Variants in ALK observed in about 807,000 individuals in gnomAD.
ALK encodes the protein ALK tyrosine kinase receptor.
In ALK, 74 loss-of-function variants were observed where a neutral mutation model predicts 163.1. That is an observed-to-expected ratio of 0.45 (90% confidence interval 0.38 to 0.55). The LOEUF (loss-of-function observed/expected upper bound fraction) is 0.55. Ranked by LOEUF, ALK falls within the 20% of genes least tolerant of loss-of-function variation. The pLI, the probability that ALK is intolerant of heterozygous loss-of-function variation, is 0.00. For synonymous variants in ALK, 960 were observed against 843.2 expected, an observed-to-expected ratio of 1.14 and a Z score of -2.40; for missense variants, 2,063 against 2,105.3, an observed-to-expected ratio of 0.98 and a Z score of 0.39.
chr2:29,657,404 G>T (rs1017062618), intron 3 of ALK, among the ~76,000 whole-genome samples: 1 of 148,064 alleles, frequency 6.8e-6, no homozygotes, highest in Non-Finnish European at 1.5e-5. Flanking sequence ...CAGCATAGAA[G>T]GGTCCTTGTT....
At chr2:29,707,720 C>A (rs1678953094) in intron 2 of ALK, among the ~76,000 whole-genome samples, 1 of 152,164 alleles carries the variant, frequency 6.6e-6, no homozygotes, top group Admixed American at 6.5e-5. Context: ...TTCCAGAGGG[C>A]AAAACTAGGG....
At chr2:29,294,395 T>G (rs1307991893) in intron 9 of ALK, among the ~76,000 whole-genome samples, 1 of 152,218 alleles carries the variant, frequency 6.6e-6, no homozygotes, top group African/African-American at 2.4e-5. Context: ...ATTGCTAAAT[T>G]GGCCATCCCA....
intron 4 of ALK, among the ~76,000 whole-genome samples, chr2:29,480,672 G>A (rs1031206575): frequency 4.0e-5 from 6 of 151,806 alleles, no homozygotes; most frequent in African/African-American, 7.3e-5. Context: ...CCAGTCAGAC[G>A]CAGGGAGGAA....
At chr2:29,288,156 C>T (rs1158648142) in intron 9 of ALK, among the ~76,000 whole-genome samples, 1 of 152,212 alleles carries the variant, frequency 6.6e-6, no homozygotes, top group South Asian at 2.1e-4. Context: ...CACACTCCTG[C>T]ACTACTCCAG....
At position 29,316,278 on chromosome 2, in the gene ALK, C is replaced by A. The variant is rs547849951; in HGVS notation, c.1647+2026G>T. ...AGCATTAGACAAATGGTCTGAAAAC[C>A]TGAATGTGAAATCATATGAATATAT... On this transcript the variant is annotated intron_variant, in intron 8 of 28. Coordinates refer to ENST00000389048, the MANE Select transcript of ALK (RefSeq NM_004304.5). 6.6e-5 allele frequency among the ~76,000 whole-genome samples: 10 copies of A among 152,110 alleles called. 1 individual carries two copies. In the South Asian group the frequency reaches 2.1e-3, roughly 32 times the overall value.
At chr2:29,534,362 T>C (rs540509412) in intron 3 of ALK, among the ~76,000 whole-genome samples, 134 of 152,214 alleles carry the variant, frequency 8.8e-4, no homozygotes, top group Non-Finnish European at 1.7e-3. Context: ...TGAGGGTGGA[T>C]GACTGGGGTT....
At chr2:29,329,542 G>C (rs1333587571) in intron 5 of ALK, among the ~76,000 whole-genome samples, 1 of 152,184 alleles carries the variant, frequency 6.6e-6, no homozygotes, top group Non-Finnish European at 1.5e-5. Context: ...GTCATAGCTG[G>C]TGCTAAACCC....
At chr2:29,538,060 T>C (rs1041917332) in intron 3 of ALK, among the ~76,000 whole-genome samples, 2 of 152,198 alleles carry the variant, frequency 1.3e-5, no homozygotes, top group African/African-American at 2.4e-5. Flanking sequence ...TATAGGCACA[T>C]AGGTGAGTCC....
At chr2:29,788,541 G>C (rs1664103954) in intron 1 of ALK, among the ~76,000 whole-genome samples, 1 of 152,170 alleles carries the variant, frequency 6.6e-6, no homozygotes, top group African/African-American at 2.4e-5. Context: ...GAAAGGGAGG[G>C]AACTAGACAA....
intron 1 of ALK, among the ~76,000 whole-genome samples, chr2:29,881,842 C>T (rs1401617672): frequency 6.6e-6 from 1 of 152,094 alleles, no homozygotes; most frequent in African/African-American, 2.4e-5. Flanking sequence ...CCTGTACTCC[C>T]CCATTTTCCC....
At chr2:29,391,499 C>T (rs1470754315) in intron 4 of ALK, among the ~76,000 whole-genome samples, 2 of 152,152 alleles carry the variant, frequency 1.3e-5, no homozygotes, top group Non-Finnish European at 2.9e-5. Context: ...TGGGGTTTCC[C>T]CGTGTTGGCC....
chr2:29,719,886 G>A (rs1170140548), intron 1 of ALK, among the ~76,000 whole-genome samples: 1 of 152,192 alleles, frequency 6.6e-6, no homozygotes, highest in Non-Finnish European at 1.5e-5. Flanking sequence ...AATAGGGCAA[G>A]TGGGAAGGGT....
chr2:29,294,115 C>G (rs1666116157), intron 9 of ALK, among the ~76,000 whole-genome samples: 1 of 152,206 alleles, frequency 6.6e-6, no homozygotes, highest in Non-Finnish European at 1.5e-5. Flanking sequence ...CCGCCTACCT[C>G]AGAGGTGGGA....
chr2:29,891,265 T>C (rs1482023171), intron 1 of ALK, among the ~76,000 whole-genome samples: 1 of 152,212 alleles, frequency 6.6e-6, no homozygotes, highest in Non-Finnish European at 1.5e-5. Context: ...TTCAAGAGTG[T>C]TAACAATGAT....
intron 3 of ALK, among the ~76,000 whole-genome samples, chr2:29,624,462 C>T (rs1241850149): frequency 1.3e-5 from 2 of 152,154 alleles, no homozygotes; most frequent in African/African-American, 4.8e-5. Flanking sequence ...CCTACACCTC[C>T]GTGTTCAGGT....
chr2:29,711,637 G>T (rs1253069052), intron 2 of ALK, among the ~76,000 whole-genome samples: 1 of 152,122 alleles, frequency 6.6e-6, no homozygotes, highest in Non-Finnish European at 1.5e-5. Flanking sequence ...TGGGGGTTGT[G>T]GGAGGGCCTC....
At chr2:29,597,333 A>G (rs2148211814) in intron 3 of ALK, among the ~76,000 whole-genome samples, 1 of 152,316 alleles carries the variant, frequency 6.6e-6, no homozygotes, top group East Asian at 1.9e-4. Flanking sequence ...GTGGAGATTT[A>G]GTGCTCACTC....
rs754993912 is a variant in ALK at position 29,239,665 on chromosome 2, G to C, written c.2355+15C>G. 1 of 1,613,454 alleles carries C rather than the reference G, an allele frequency of 6.2e-7. No homozygotes were observed. The highest frequency in any genetic ancestry group is 1.1e-5 in the South Asian group (1 of 91,070). On this transcript the variant is annotated intron_variant, in intron 13 of 28. Coordinates refer to ENST00000389048, the MANE Select transcript of ALK (RefSeq NM_004304.5). ...GACAGAGTGCAGACGAGAAACCCCT[G>C]CTCTGGGCACTTACACTGGGGCAGG...
chr2:29,284,391 G>T (rs1200782165), intron 9 of ALK, among the ~76,000 whole-genome samples: 3 of 152,156 alleles, frequency 2.0e-5, no homozygotes, highest in Non-Finnish European at 2.9e-5. Flanking sequence ...CTCCTAAATT[G>T]CAGGCTTTGT....
Sources: allele counts gnomAD v4.1 joint callset (sites outside exome capture counted in the v4.1 genomes callset), GRCh38; gene constraint gnomAD v4.1.1; transcripts MANE v1.5; gene names NCBI Gene and HGNC (gene_info 2026-07-23, HGNC 2026-07-21).